Variants in DLGAP1 observed in about 807,000 individuals in gnomAD.
DLGAP1 encodes DLG associated protein 1, also known as disks large-associated protein 1.
A neutral mutation model predicts 90.8 loss-of-function variants in DLGAP1; 11 were observed. The ratio of observed to expected loss-of-function variants is 0.12; its 90% confidence interval spans 0.08 to 0.20. The LOEUF is 0.20. Ranked by LOEUF, DLGAP1 falls within the 10% of genes least tolerant of loss-of-function variation. The pLI is 1.00. For synonymous variants in DLGAP1, 558 were observed against 540.7 expected (o/e 1.03, Z -0.44); for missense variants, 1,050 against 1,333.8 (o/e 0.79, Z 3.31).
chr18:3,566,717 T>C (rs571627232), intron 9 of DLGAP1, among the ~76,000 whole-genome samples: 1 of 152,296 alleles, frequency 6.6e-6, no homozygotes, highest in South Asian at 2.1e-4. Context: ...ATTTATAATT[T>C]AGAGTAGTTT....
intron 2 of DLGAP1, among the ~76,000 whole-genome samples, chr18:4,087,086 T>TATATACACACATATATAC (rs2075696238): frequency 1.2e-5 from 1 of 83,684 alleles, no homozygotes; most frequent in African/African-American, 4.7e-5. Context: ...TACATATATG[T>TATATACACACATATATAC]ATATATGTAT....
At chr18:4,132,559 G>A (rs545634814) in intron 2 of DLGAP1, among the ~76,000 whole-genome samples, 2 of 152,126 alleles carry the variant, frequency 1.3e-5, no homozygotes, top group Non-Finnish European at 2.9e-5. Flanking sequence ...AATAAAAGTT[G>A]ACAACCCTAT....
At chr18:4,160,680 T>C (rs1205768837) in intron 1 of DLGAP1, among the ~76,000 whole-genome samples, 1 of 152,206 alleles carries the variant, frequency 6.6e-6, no homozygotes, top group African/African-American at 2.4e-5. Flanking sequence ...TGTATCACTA[T>C]ACAGACCTAG....
intron 6 of DLGAP1, among the ~76,000 whole-genome samples, chr18:3,736,770 C>A (rs933125945): frequency 4.0e-5 from 6 of 151,780 alleles, no homozygotes; most frequent in Admixed American, 3.3e-4. Context: ...TAACTAAAAT[C>A]AGAGCAGAAC....
chr18:3,569,145 A>G (rs1468777699), intron 8 of DLGAP1, among the ~76,000 whole-genome samples: 1 of 151,212 alleles, frequency 6.6e-6, no homozygotes, highest in Non-Finnish European at 1.5e-5. Context: ...GAAATTACAG[A>G]CGCGTGCCAC....
At chr18:4,422,816 G>T (rs141550075) in intron 1 of DLGAP1, among the ~76,000 whole-genome samples, 2 of 152,028 alleles carry the variant, frequency 1.3e-5, no homozygotes, top group Admixed American at 6.5e-5. Context: ...AAGAAAAAGC[G>T]AGCCTACAGT....
chr18:4,080,950 G>A (rs11661865), intron 2 of DLGAP1, among the ~76,000 whole-genome samples: 32,700 of 150,554 alleles, frequency 0.22, 4,324 homozygotes, highest in Non-Finnish European at 0.31. Context: ...GTGCAATGGC[G>A]CAATCTTGGC....
At chr18:3,562,083 A>C (rs915047961) in intron 9 of DLGAP1, among the ~76,000 whole-genome samples, 1 of 151,782 alleles carries the variant, frequency 6.6e-6, no homozygotes, top group Non-Finnish European at 1.5e-5. Context: ...AAAAATTAGC[A>C]AGGCGTGGTG....
intron 1 of DLGAP1, among the ~76,000 whole-genome samples, chr18:4,301,889 A>C (rs1318479046): frequency 6.6e-6 from 1 of 152,154 alleles, no homozygotes; most frequent in Non-Finnish European, 1.5e-5. Flanking sequence ...CTAATGATTA[A>C]TGAAATTGAA....
chr18:3,876,652 T>C (rs2071012462), intron 4 of DLGAP1, among the ~76,000 whole-genome samples: 1 of 152,224 alleles, frequency 6.6e-6, no homozygotes, highest in Non-Finnish European at 1.5e-5. Context: ...TATGAGTGTG[T>C]CTGTGATCCA....
At chr18:4,005,424 T>C (rs8086490) in intron 2 of DLGAP1, among the ~76,000 whole-genome samples, 7,522 of 152,286 alleles carry the variant, frequency 0.049, 598 homozygotes, top group African/African-American at 0.17. Context: ...TCTTTCCTTC[T>C]GAATTTCTTT....
At chr18:4,434,737 A>C (rs1255491170) in intron 1 of DLGAP1, among the ~76,000 whole-genome samples, 2 of 152,170 alleles carry the variant, frequency 1.3e-5, no homozygotes, top group Non-Finnish European at 2.9e-5. Context: ...AACCCAGAGG[A>C]GGTGGTATGT....
chr18:3,573,182 G>A (rs1329051438), intron 8 of DLGAP1, among the ~76,000 whole-genome samples: 2 of 152,002 alleles, frequency 1.3e-5, no homozygotes, highest in Non-Finnish European at 2.9e-5. Context: ...TTAGGTATTA[G>A]AGTTATGCTT....
At chr18:3,619,075 C>T (rs970745871) in intron 7 of DLGAP1, among the ~76,000 whole-genome samples, 3 of 152,220 alleles carry the variant, frequency 2.0e-5, no homozygotes, top group East Asian at 1.9e-4. Flanking sequence ...GCCAGCCACC[C>T]GCAAGCCACA....
At chr18:3,990,628 TATA>T (rs77930009) in intron 3 of DLGAP1, among the ~76,000 whole-genome samples, 60,066 of 143,080 alleles carry the variant, frequency 0.42, 13,917 homozygotes, top group Non-Finnish European at 0.53. Flanking sequence ...AAACTTAAAA[TATA>T]ATAATAATAA....
At position 3,888,087 on chromosome 18, in the gene DLGAP1, A is replaced by G. The variant is rs568925904; in HGVS notation, c.-72-7947T>C. Among the ~76,000 whole-genome samples, 65 of 144,310 alleles carry G rather than the reference A, an allele frequency of 4.5e-4. 1 individual carries two copies. The East Asian group carries it at 5.6e-3, about 12-fold the overall frequency. 94.7% of individuals were successfully genotyped at this position (144,310 alleles called of 152,430 possible). A position where few individuals can be genotyped will look rare whatever the true frequency, so the allele number is the denominator to read the frequency against. ...CGCGCCACTGCACTGCAGCCTGGAC[A>G]ACAGAGTGAGACTCCATCTCAAAAA... On this transcript the variant is annotated intron_variant, in intron 3 of 12. Transcript: ENST00000315677.
chr18:3,803,073 C>T (rs968656091), intron 5 of DLGAP1, among the ~76,000 whole-genome samples: 6 of 152,128 alleles, frequency 3.9e-5, no homozygotes, highest in African/African-American at 1.2e-4. Flanking sequence ...CCTCGTAGAG[C>T]GTGTCGATTT....
intron 1 of DLGAP1, among the ~76,000 whole-genome samples, chr18:4,331,010 G>A (rs1444563966): frequency 6.6e-6 from 1 of 151,724 alleles, no homozygotes; most frequent in Non-Finnish European, 1.5e-5. Context: ...CTTATGATGT[G>A]AGGCTCTGTC....
intron 2 of DLGAP1, among the ~76,000 whole-genome samples, chr18:4,019,813 G>GCA (rs2074579801): frequency 1.4e-5 from 2 of 141,668 alleles, no homozygotes; most frequent in Non-Finnish European, 1.5e-5. Flanking sequence ...GCGCGTGTGC[G>GCA]CGCACACACA....
Sources: allele counts gnomAD v4.1 joint callset (sites outside exome capture counted in the v4.1 genomes callset), GRCh38; gene constraint gnomAD v4.1.1; transcripts MANE v1.5; gene names NCBI Gene and HGNC (gene_info 2026-07-23, HGNC 2026-07-21).